The following PCDHGB5 variants were observed in gnomAD, a reference collection of about 807,000 sequenced individuals.
PCDHGB5 encodes protocadherin gamma subfamily B, 5, also known as protocadherin gamma-B5.
PCDHGB5 carries 48 observed loss-of-function variants against 62.9 expected under a neutral mutation model. The ratio of observed to expected loss-of-function variants is 0.76; its 90% CI spans 0.61 to 0.97. The LOEUF is 0.97. Among genes scored for constraint, PCDHGB5 ranks in the 50% least tolerant of loss-of-function variants. PCDHGB5 has a pLI of 0.00. For synonymous variants in PCDHGB5, 474 were observed against 511.2 expected, an observed-to-expected ratio of 0.93 and a Z score of 0.98; for missense variants, 1,118 against 1,198.6, an observed-to-expected ratio of 0.93 and a Z score of 0.99.
rs767181565 is a variant in PCDHGB5 at position 141,398,763 on chromosome 5, G to C, written c.636G>C (p.Leu212=). ...AACAGAGTTACCATCGTTTAGTCCT[G>C]ACTGCCTTGGACGGTGGACATCCAC... ...REQQSYHRLV[L]TALDGGHPPL... is the part of the protein sequence containing the mutation. The change falls in exon 1 of 4, where the codon CTG becomes CTC. Residue 212 remains leucine, a synonymous_variant. Transcript: ENST00000617380. 6 of 1,613,788 alleles carry C rather than the reference G, an allele frequency of 3.7e-6. No homozygotes were observed. The highest frequency in any genetic ancestry group is 5.1e-6 in the Non-Finnish European group (6 of 1,179,912).
intron 1 of PCDHGB5, chr5:141,417,647 C>T: frequency 2.5e-6 from 2 of 812,384 alleles, no homozygotes; most frequent in Non-Finnish European, 3.7e-6. Context: ...ATCCCTCAGC[C>T]TCTAGCCTGG....
chr5:141,415,167 C>T (rs769256903), intron 1 of PCDHGB5: 3 of 1,613,894 alleles, frequency 1.9e-6, no homozygotes, highest in Admixed American at 3.3e-5. Flanking sequence ...CTGTCACGCT[C>T]ACCGTGGCCG....
chr5:141,410,847 G>GTATTTT, intron 1 of PCDHGB5: 1 of 158,250 alleles, frequency 6.3e-6, no homozygotes, highest in Non-Finnish European at 1.0e-5. Flanking sequence ...TTTTGTCTTT[G>GTATTTT]TCTTTTTTTT....
At chr5:141,496,799 G>C (rs2099771487) in intron 2 of PCDHGB5, among the ~76,000 whole-genome samples, 1 of 151,912 alleles carries the variant, frequency 6.6e-6, no homozygotes, top group African/African-American at 2.4e-5. Context: ...TAAACATTGG[G>C]CTATAGGAGT....
In PCDHGB5 at chr5:141,423,756, G is replaced by A. The variant is rs544048105; in HGVS notation, c.2397+23232G>A. 1.6e-5 allele frequency: 7 copies of A among 448,620 alleles called. 1 individual carries two copies. Among genetic ancestry groups the A allele is most frequent in the Non-Finnish European group, 2.1e-5 (7 of 329,706 alleles). 27.8% of individuals were successfully genotyped at this position (448,620 alleles called of 1,614,324 possible). A position where few individuals can be genotyped will look rare whatever the true frequency, so the allele number is the denominator to read the frequency against. ...GCCTGTTATGAAAACTGTTTGGGGG[G>A]GGGGTGGGGCGGCATATATTTAGTT... On this transcript the variant is annotated intron_variant, in intron 1 of 3. Coordinates refer to ENST00000617380, the MANE Select transcript of PCDHGB5 (RefSeq NM_018925.3).
rs995968509 is a variant in PCDHGB5, at chr5:141,477,065, C to T, written c.2398-17742C>T. ...TCGGCTGGACTTCGAGGACACCAAA[C>T]TCCATGAGATTTACATCCAGGCCAA... On this transcript the variant is annotated intron_variant, in intron 1 of 3. Coordinates refer to ENST00000617380, the MANE Select transcript of PCDHGB5 (RefSeq NM_018925.3). The surrounding 1 kb of genome is among the most constrained non-coding windows in gnomAD (Gnocchi z 4.9). 15 of 1,614,144 alleles carry T rather than the reference C, an allele frequency of 9.3e-6. No homozygotes were observed. The highest frequency in any genetic ancestry group is 3.3e-5 in the Admixed American group (2 of 60,018).
At chr5:141,421,921 G>T in intron 1 of PCDHGB5, 1 of 1,613,644 alleles carries the variant, frequency 6.2e-7, no homozygotes, top group Non-Finnish European at 8.5e-7. Context: ...CATTCGTGTG[G>T]TGGTCCTCGA....
intron 1 of PCDHGB5, among the ~76,000 whole-genome samples, chr5:141,443,486 A>AAAAC (rs1345310906): frequency 6.6e-6 from 1 of 152,166 alleles, no homozygotes; most frequent in Non-Finnish European, 1.5e-5. Flanking sequence ...ACCCTGTCCC[A>AAAAC]AAACAAACAA....
At chr5:141,492,500 C>G (rs2099741252) in intron 1 of PCDHGB5, among the ~76,000 whole-genome samples, 1 of 152,322 alleles carries the variant, frequency 6.6e-6, no homozygotes, top group South Asian at 2.1e-4. Flanking sequence ...GCGAGGACTC[C>G]GGAGCCTCCT....
intron 1 of PCDHGB5, among the ~76,000 whole-genome samples, chr5:141,452,267 G>C (rs995249228): frequency 1.3e-5 from 2 of 151,882 alleles, no homozygotes; most frequent in Non-Finnish European, 2.9e-5. Context: ...TCATTTTCTT[G>C]AACCCTTTCT....
intron 1 of PCDHGB5, among the ~76,000 whole-genome samples, chr5:141,471,768 T>A (rs1203999329): frequency 6.6e-6 from 1 of 152,174 alleles, no homozygotes; most frequent in Non-Finnish European, 1.5e-5. Context: ...GGTCAAAAGA[T>A]GAGTTTGACA....
At chr5:141,467,920 A>G (rs1244280087) in intron 1 of PCDHGB5, among the ~76,000 whole-genome samples, 1 of 152,124 alleles carries the variant, frequency 6.6e-6, no homozygotes, top group Non-Finnish European at 1.5e-5. Flanking sequence ...CAGCCTCCCA[A>G]AATGCTAGGA....
chr5:141,505,182 C>T (rs1302018549), intron 2 of PCDHGB5, among the ~76,000 whole-genome samples: 2 of 152,094 alleles, frequency 1.3e-5, no homozygotes, highest in East Asian at 3.9e-4. Context: ...AAAAAAGCAT[C>T]GGAGGCAGCA....
chr5:141,431,879 C>T lies in PCDHGB5; in HGVS notation c.2397+31355C>T. 1 of 1,614,162 alleles carries T rather than the reference C, an allele frequency of 6.2e-7. No individual in the cohort carries two copies. The highest frequency in any genetic ancestry group is 8.5e-7 in the Non-Finnish European group (1 of 1,179,970). ...AATTGCCCTTTTAAATGTAAATGAC[C>T]AAGATTCTGAGGAAAACGGACAGGT... On this transcript the variant is annotated intron_variant, in intron 1 of 3. Coordinates refer to ENST00000617380, the MANE Select transcript of PCDHGB5 (RefSeq NM_018925.3). The surrounding 1 kb of genome is among the most constrained non-coding windows in gnomAD (Gnocchi z 4.8).
intron 1 of PCDHGB5, among the ~76,000 whole-genome samples, chr5:141,448,985 A>G (rs2098621528): frequency 6.6e-6 from 1 of 152,026 alleles, no homozygotes; most frequent in South Asian, 2.1e-4. Context: ...TTCCATATTA[A>G]TATATAGAAA....
In PCDHGB5 at chr5:141,491,638, G is replaced by A. The variant is rs2099723160; in HGVS notation, c.2398-3169G>A. The A allele has an allele frequency of 6.2e-7, 1 of 1,613,898 alleles. No individual in the cohort carries two copies. The highest frequency in any genetic ancestry group is 1.3e-5 in the African/African-American group (1 of 75,074). ...ACCCCTCAGCGTTCAGCAGCCCACA[G>A]CTCTGGCGCTGGAGCCTGACGCCAT... On this transcript the variant is annotated intron_variant, in intron 1 of 3. Coordinates refer to ENST00000617380, the MANE Select transcript of PCDHGB5 (RefSeq NM_018925.3). The surrounding 1 kb of genome is among the most constrained non-coding windows in gnomAD (Gnocchi z 6.9).
chr5:141,441,772 TG>T, intron 1 of PCDHGB5: 1 of 388,268 alleles, frequency 2.6e-6, no homozygotes, highest in South Asian at 2.0e-5. Flanking sequence ...CGCGTGTTGG[TG>T]GACGACCTGA....
At position 141,491,413 on chromosome 5, in the gene PCDHGB5, G is replaced by A. The variant is rs1193417991; in HGVS notation, c.2398-3394G>A. 5.6e-6 allele frequency: 9 copies of A among 1,613,946 alleles called. No individual in the cohort carries two copies. Among genetic ancestry groups the A allele is most frequent in the Non-Finnish European group, 7.6e-6 (9 of 1,179,986 alleles). On this transcript the variant is annotated intron_variant, in intron 1 of 3. Transcript: ENST00000617380. The surrounding 1 kb of genome is among the most constrained non-coding windows in gnomAD (Gnocchi z 6.9). Reference sequence around the variant, plus strand: ...CCTTCAGGGAAACGCAGACGGGGACGGGGGTGGAGGGCAGTGCTGCAGGCG... The same window carrying A: ...CCTTCAGGGAAACGCAGACGGGGACAGGGGTGGAGGGCAGTGCTGCAGGCG...
intron 1 of PCDHGB5, among the ~76,000 whole-genome samples, chr5:141,481,037 G>A (rs1438691746): frequency 2.0e-5 from 3 of 152,050 alleles, no homozygotes; most frequent in East Asian, 3.9e-4. Context: ...CAGCCTGGGC[G>A]ACAGAGCGAG....
Sources: gnomAD v4.1 joint callset for allele counts (sites outside exome capture counted in the v4.1 genomes callset) on GRCh38, gnomAD v4.1.1 for gene constraint, Gnocchi (gnomAD v3.1) non-coding constraint, MANE v1.5 for transcripts, NCBI Gene and HGNC (gene_info 2026-07-23, HGNC 2026-07-21) for gene names.